LMCD1: variants seen among roughly 807,000 people sequenced by gnomAD.
LMCD1 encodes LIM and cysteine rich domains 1.
LMCD1 carries 32 observed loss-of-function variants against 42.7 expected under a neutral mutation model. That is an observed-to-expected ratio of 0.75 (90% confidence interval 0.57 to 1.01). LMCD1 has a LOEUF of 1.01. Among genes scored for constraint, LMCD1 ranks in the 50% least tolerant of loss-of-function variants. The probability of loss-of-function intolerance (pLI) is 0.00; values close to 1 mark genes in which losing one functional copy is unlikely to be tolerated. For synonymous variants in LMCD1, 178 were observed against 184.9 expected, an observed-to-expected ratio of 0.96 and a Z score of 0.30; for missense variants, 458 against 483.1, an observed-to-expected ratio of 0.95 and a Z score of 0.49.
At chr3:8,541,443 G>C (rs1351967664) in intron 3 of LMCD1, among the ~76,000 whole-genome samples, 4 of 152,178 alleles carry the variant, frequency 2.6e-5, no homozygotes, top group African/African-American at 7.2e-5. Flanking sequence ...CAGCTACTTG[G>C]GAGGCTGAGG....
chr3:8,562,194 G>A (rs1042592396), intron 4 of LMCD1, among the ~76,000 whole-genome samples: 1 of 152,202 alleles, frequency 6.6e-6, no homozygotes, highest in African/African-American at 2.4e-5. Context: ...GAGCAGGCCA[G>A]TGAAAATGTT....
At chr3:8,544,952 C>A (rs2125029774) in intron 3 of LMCD1, among the ~76,000 whole-genome samples, 1 of 152,260 alleles carries the variant, frequency 6.6e-6, no homozygotes, top group Admixed American at 6.5e-5. Context: ...CCTAATCTCC[C>A]CGTCCCTGGG....
chr3:8,559,077 T>A (rs1694979165), intron 4 of LMCD1, among the ~76,000 whole-genome samples: 1 of 151,916 alleles, frequency 6.6e-6, no homozygotes, highest in Non-Finnish European at 1.5e-5. Flanking sequence ...AAGCAGGGGA[T>A]GAGTGGAGCT....
Position 8,550,231 on chromosome 3 carries a change from T to C in LMCD1, c.723+1328T>C. 3.6e-6 allele frequency: 4 copies of C among 1,100,922 alleles called. No homozygotes were observed. In the South Asian group the frequency reaches 1.2e-4, roughly 34 times the overall value. 68.2% of individuals were successfully genotyped at this position (1,100,922 alleles called of 1,614,324 possible). On this transcript the variant is annotated intron_variant, in intron 4 of 5. Transcript: ENST00000157600. ...TGGACCACGTGGGTCTAGCGTGTAC[T>C]GCGTTTCTGGTCCCCAGCCCCTGTT...
At chr3:8,563,999 C>T (rs1695086050) in intron 4 of LMCD1, among the ~76,000 whole-genome samples, 1 of 152,170 alleles carries the variant, frequency 6.6e-6, no homozygotes, top group Admixed American at 6.5e-5. Flanking sequence ...GAGAAACTGT[C>T]CCAGCTAGGA....
intron 4 of LMCD1, among the ~76,000 whole-genome samples, chr3:8,562,755 T>C (rs1162793161): frequency 1.3e-5 from 2 of 152,236 alleles, no homozygotes; most frequent in African/African-American, 4.8e-5. Context: ...TTATCTCATC[T>C]GTTTTTTTAT....
intron 1 of LMCD1, among the ~76,000 whole-genome samples, chr3:8,524,681 A>G (rs6763808): frequency 0.43 from 65,020 of 151,550 alleles, 14,733 homozygotes; most frequent in Non-Finnish European, 0.51. Flanking sequence ...TGGATTTGTG[A>G]TGTTGCTGTT....
At chr3:8,562,678 A>AC (rs1695060386) in intron 4 of LMCD1, among the ~76,000 whole-genome samples, 1 of 151,776 alleles carries the variant, frequency 6.6e-6, no homozygotes, top group Non-Finnish European at 1.5e-5. Flanking sequence ...CCTGCTATCC[A>AC]CCCCCAAAGT....
At chr3:8,553,396 G>A (rs375053053) in intron 4 of LMCD1, among the ~76,000 whole-genome samples, 1 of 152,164 alleles carries the variant, frequency 6.6e-6, no homozygotes, top group Non-Finnish European at 1.5e-5. Context: ...CACCAGAGAA[G>A]CGTTATTGCA....
chr3:8,506,427 G>T (rs1693882583), intron 1 of LMCD1, among the ~76,000 whole-genome samples: 1 of 152,174 alleles, frequency 6.6e-6, no homozygotes, highest in South Asian at 2.1e-4. Context: ...TGGGGACCAG[G>T]AAGGAGGGGC....
intron 1 of LMCD1, among the ~76,000 whole-genome samples, chr3:8,510,027 A>G (rs1693964949): frequency 6.6e-6 from 1 of 152,166 alleles, no homozygotes; most frequent in Admixed American, 6.5e-5. Flanking sequence ...TTTTCACAGT[A>G]CTGATGTCAG....
intron 1 of LMCD1, among the ~76,000 whole-genome samples, chr3:8,509,900 C>T (rs1377163824): frequency 6.6e-6 from 1 of 152,230 alleles, no homozygotes; most frequent in African/African-American, 2.4e-5. Context: ...CTATTGGCAG[C>T]TCTTAGGTCC....
At chr3:8,502,299 TATATAATATATAAA>T (rs1559342029) in intron 1 of LMCD1, among the ~76,000 whole-genome samples, 1 of 24,124 alleles carries the variant, frequency 4.1e-5, no homozygotes, top group African/African-American at 1.6e-4. Context: ...ATATATATTA[TATATAATATATAAA>T]ATATATATTA....
Position 8,544,835 on chromosome 3 carries a change from A to G in LMCD1, c.388-3733A>G, listed in dbSNP as rs571973551. The stretch of plus-strand genomic sequence containing the variant: ...AGTGATAGGAATCAGGAGACTGGGT[A>G]CTAAGGTTCAGAGTCAGGGTCAGGC... On this transcript the variant is annotated intron_variant, in intron 3 of 5. Coordinates refer to ENST00000157600, the MANE Select transcript of LMCD1 (RefSeq NM_014583.4). Among the ~76,000 whole-genome samples the G allele has an allele frequency of 9.8e-4, 149 of 152,228 alleles. 1 individual carries two copies. The highest frequency in any genetic ancestry group is 1.8e-3 in the Non-Finnish European group (120 of 68,042).
chr3:8,571,162 G>C lies in LMCD1; in HGVS notation c.*3564G>C, dbSNP rs1476420035. On this transcript the variant is annotated 3_prime_UTR_variant, in exon 6 of 6. Coordinates refer to ENST00000157600, the MANE Select transcript of LMCD1 (RefSeq NM_014583.4). ...GGGGTGTTTTAGGTGCCCTTTATCT[G>C]TAAGTTCATAATATCCCAGGCTTAC... 6.6e-6 allele frequency: 1 copy of C among 151,942 alleles called. No homozygotes were observed. Among genetic ancestry groups the C allele is most frequent in the East Asian group, 1.9e-4 (1 of 5,184 alleles). The allele number at this position is 151,942 out of a possible 1,614,324, so 9.4% of individuals were successfully genotyped here.
chr3:8,519,463 G>A (rs943796371), intron 1 of LMCD1, among the ~76,000 whole-genome samples: 1 of 152,092 alleles, frequency 6.6e-6, no homozygotes. Context: ...TCTGAATTGT[G>A]GCAAATGAGT....
At chr3:8,524,039 T>C (rs1337417483) in intron 1 of LMCD1, among the ~76,000 whole-genome samples, 1 of 152,166 alleles carries the variant, frequency 6.6e-6, no homozygotes, top group Non-Finnish European at 1.5e-5. Context: ...CTTCAAACAA[T>C]GGAAGAAGTC....
intron 4 of LMCD1, among the ~76,000 whole-genome samples, chr3:8,558,514 A>G (rs375569936): frequency 1.3e-4 from 20 of 152,356 alleles, no homozygotes; most frequent in South Asian, 8.3e-4. Flanking sequence ...GTCTGCAAAC[A>G]AGGTCACATG....
intron 4 of LMCD1, among the ~76,000 whole-genome samples, chr3:8,561,506 C>T (rs1463743432): frequency 3.3e-5 from 5 of 151,930 alleles, no homozygotes; most frequent in Non-Finnish European, 7.4e-5. Context: ...TCTCATGGGG[C>T]TTGCGAGAAC....
Sources: allele counts gnomAD v4.1 joint callset (sites outside exome capture counted in the v4.1 genomes callset), GRCh38; gene constraint gnomAD v4.1.1; transcripts MANE v1.5; gene names NCBI Gene and HGNC (gene_info 2026-07-23, HGNC 2026-07-21).